Variants in TRPM7 observed in about 807,000 individuals in gnomAD.
TRPM7 encodes the protein LTRPC ion channel family member 7.
A neutral mutation model predicts 229.7 loss-of-function variants in TRPM7; 134 were observed. The ratio of observed to expected loss-of-function variants is 0.58; its 90% confidence interval spans 0.51 to 0.67. The LOEUF (loss-of-function observed/expected upper bound fraction) is 0.67. TRPM7 is among the 30% of genes least tolerant of loss of function. The probability of loss-of-function intolerance (pLI) is 0.00; values close to 1 mark genes in which losing one functional copy is unlikely to be tolerated. For missense variants in TRPM7, 1,901 were observed against 2,210.0 expected (o/e 0.86, Z 2.80); for synonymous variants, 699 against 715.2 (o/e 0.98, Z 0.36).
intron 21 of TRPM7, among the ~76,000 whole-genome samples, chr15:50,602,124 G>C (rs1249923445): frequency 6.6e-6 from 1 of 151,896 alleles, no homozygotes; most frequent in African/African-American, 2.4e-5. Flanking sequence ...CAAAGACTTG[G>C]AACCAACCCA....
At chr15:50,590,802 C>A (rs948180755) in intron 26 of TRPM7, among the ~76,000 whole-genome samples, 2 of 142,010 alleles carry the variant, frequency 1.4e-5, no homozygotes, top group Non-Finnish European at 3.0e-5. Flanking sequence ...CCCGCCTGGG[C>A]GACAGAGGGA....
chr15:50,607,168 A>G (rs2059939162), intron 20 of TRPM7, 32 bp downstream of exon 20: 1 of 1,588,482 alleles, frequency 6.3e-7, no homozygotes, highest in Admixed American at 1.8e-5. Context: ...TGTATACAGT[A>G]AATTATTGGT....
intron 16 of TRPM7, among the ~76,000 whole-genome samples, chr15:50,612,108 C>T (rs1481617978): frequency 2.0e-5 from 3 of 152,078 alleles, no homozygotes; most frequent in Non-Finnish European, 4.4e-5. Context: ...TTCTTTGTTT[C>T]GAGACAGGGT....
At chr15:50,580,008 A>G (rs560743605) in intron 30 of TRPM7, among the ~76,000 whole-genome samples, 4 of 152,158 alleles carry the variant, frequency 2.6e-5, no homozygotes, top group Admixed American at 6.5e-5. Context: ...ACCTGGGCTC[A>G]AGCGATCCAC....
At chr15:50,638,381 A>T (rs1019773041) in intron 6 of TRPM7, among the ~76,000 whole-genome samples, 1 of 139,358 alleles carries the variant, frequency 7.2e-6, no homozygotes, top group Non-Finnish European at 1.6e-5. Flanking sequence ...AAAAAAAAAA[A>T]AAAAAAAAAA....
intron 1 of TRPM7, among the ~76,000 whole-genome samples, chr15:50,679,208 G>A (rs1464158879): frequency 1.5e-5 from 2 of 134,660 alleles, no homozygotes; most frequent in African/African-American, 6.1e-5. Flanking sequence ...GGTGGTATGG[G>A]CCTGTCATTT....
At chr15:50,607,368 CAAAAT>C (rs1351217244) in intron 19 of TRPM7, 40 bp from the exon 20 acceptor site, 2 of 1,445,536 alleles carry the variant, frequency 1.4e-6, no homozygotes, top group Non-Finnish European at 1.9e-6. Context: ...ACATTGGTTA[CAAAAT>C]AAATCTTTTA....
intron 1 of TRPM7, among the ~76,000 whole-genome samples, chr15:50,674,113 G>A (rs1596346666): frequency 6.6e-6 from 1 of 152,068 alleles, no homozygotes; most frequent in African/African-American, 2.4e-5. Flanking sequence ...CTCAGCCTCT[G>A]GAGTAGCTGA....
intron 21 of TRPM7, among the ~76,000 whole-genome samples, chr15:50,602,848 C>G (rs1331387125): frequency 6.6e-6 from 1 of 152,158 alleles, no homozygotes; most frequent in Non-Finnish European, 1.5e-5. Flanking sequence ...GACTAGCTGA[C>G]AAGGAGAAAG....
chr15:50,594,418 A>G lies in TRPM7; in HGVS notation c.3475+11T>C, dbSNP rs1364663581. The stretch of plus-strand genomic sequence containing the variant: ...AAAATGAAAACATTTGCCTTAATAT[A>G]GTTTACTTACTTGGTCCATCGGAAG... On this transcript the variant is annotated intron_variant, in intron 24 of 38. Transcript: ENST00000646667. The G allele has an allele frequency of 2.5e-6, 4 of 1,595,226 alleles. No individual in the cohort carries two copies. The highest frequency in any genetic ancestry group is 2.6e-6 in the Non-Finnish European group (3 of 1,170,348).
chr15:50,592,854 C>T (rs918919983), intron 25 of TRPM7, among the ~76,000 whole-genome samples: 4 of 152,192 alleles, frequency 2.6e-5, no homozygotes, highest in African/African-American at 9.7e-5. Context: ...TTTTGTTCCA[C>T]AGGCTACTTA....
chr15:50,610,097 G>T, intron 17 of TRPM7, 136 bp from the exon 18 acceptor site: 1 of 623,420 alleles, frequency 1.6e-6, no homozygotes, highest in Non-Finnish European at 2.5e-6. Context: ...AGCAGTAGAG[G>T]GAAAAAAAAC....
intron 17 of TRPM7, 57 bp from the exon 18 acceptor site, chr15:50,610,018 A>C (rs1444398023): frequency 1.6e-6 from 2 of 1,216,246 alleles, no homozygotes; most frequent in Non-Finnish European, 2.3e-6. Context: ...CAAGAATATA[A>C]TAAAAACAAA....
At position 50,634,384 on chromosome 15, in the gene TRPM7, T is replaced by C. The variant is rs777093817; in HGVS notation, c.1005A>G (p.Gly335=). Residue 335 remains glycine (G), a splice_region_variant and synonymous_variant, in exon 8 of 39, where the codon GGA becomes GGG. Transcript: ENST00000646667. ...LAYIHKQTEE[G]GNLPDAAEPD... is the part of the protein sequence containing the mutation. ...TTAAAATGTTGTCATACACTTACCC[T>C]CCTTCTTCTGTTTGTTTATGAATAT... The C allele has an allele frequency of 6.4e-7, 1 of 1,551,452 alleles. No homozygotes were observed. Among genetic ancestry groups the C allele is most frequent in the East Asian group, 2.5e-5 (1 of 40,034 alleles).
intron 21 of TRPM7, chr15:50,604,107 A>G (rs758907720): frequency 2.6e-5 from 4 of 152,206 alleles, no homozygotes; most frequent in Non-Finnish European, 4.4e-5. Context: ...TACGGCAAGG[A>G]GTAGACCCAA....
chr15:50,571,726 T>A (rs1404837924), intron 36 of TRPM7, among the ~76,000 whole-genome samples: 1 of 68,406 alleles, frequency 1.5e-5, no homozygotes, highest in Non-Finnish European at 4.2e-5. Flanking sequence ...GTTCTTTATA[T>A]ATTGCTACAT....
At chr15:50,659,013 G>C (rs2061659211) in intron 2 of TRPM7, among the ~76,000 whole-genome samples, 1 of 151,752 alleles carries the variant, frequency 6.6e-6, no homozygotes, top group South Asian at 2.1e-4. Flanking sequence ...CCTGGCTAAC[G>C]CAGTGAAACC....
chr15:50,578,755 TA>T (rs1206910062), intron 30 of TRPM7, 91 bp from the exon 31 acceptor site: 24 of 841,244 alleles, frequency 2.9e-5, no homozygotes, highest in Non-Finnish European at 3.5e-5. Flanking sequence ...AATTATTATA[TA>T]AAAAATATTA....
intron 1 of TRPM7, among the ~76,000 whole-genome samples, chr15:50,679,558 CAG>C (rs2062198940): frequency 2.3e-5 from 2 of 88,752 alleles, no homozygotes; most frequent in Middle Eastern, 8.3e-3. Flanking sequence ...TTTTTTGAGA[CAG>C]AGTCTTGTTT....
Sources: allele counts gnomAD v4.1 joint callset (sites outside exome capture counted in the v4.1 genomes callset), GRCh38; gene constraint gnomAD v4.1.1; transcripts MANE v1.5; gene names NCBI Gene and HGNC (gene_info 2026-07-23, HGNC 2026-07-21).